PLAA: variants seen among roughly 807,000 people sequenced by gnomAD.
The protein encoded by PLAA is phospholipase A2 activating protein.
In PLAA, 48 loss-of-function variants were observed where a neutral mutation model predicts 84.1. That is an observed-to-expected ratio of 0.57 (90% CI 0.45 to 0.73). The LOEUF (loss-of-function observed/expected upper bound fraction) is 0.73. Ranked by LOEUF, PLAA falls within the 30% of genes least tolerant of loss-of-function variation. The pLI, the probability that PLAA is intolerant of heterozygous loss-of-function variation, is 0.00. For missense variants in PLAA, 903 were observed against 954.7 expected, an observed-to-expected ratio of 0.95 and a Z score of 0.71; for synonymous variants, 392 against 336.6, an observed-to-expected ratio of 1.16 and a Z score of -1.80.
chr9:26,905,837 T>C lies in PLAA; in HGVS notation c.2062A>G (p.Ile688Val). The C allele has an allele frequency of 5.6e-6, 9 of 1,614,216 alleles. No homozygotes were observed. Among genetic ancestry groups the C allele is most frequent in the Non-Finnish European group, 7.6e-6 (9 of 1,180,030 alleles). ...SQRESLMSHA[I>V]ELKSGSNKNI... ...TTATTGCTCCCTGATTTCAGTTCTA[T>C]TGCATGGGACATCAGTGATTCCCTC... Residue 688 changes from isoleucine (I) to valine (V), a missense_variant, in exon 14 of 14, where the codon ATA (isoleucine) becomes GTA (valine). Coordinates refer to ENST00000397292, the MANE Select transcript of PLAA (RefSeq NM_001031689.3).
At chr9:26,938,471 G>C (rs527380490) in intron 1 of PLAA, among the ~76,000 whole-genome samples, 1 of 151,456 alleles carries the variant, frequency 6.6e-6, no homozygotes, top group East Asian at 1.9e-4. Flanking sequence ...AGGATCCCTT[G>C]AGCCTGGGAG....
At chr9:26,925,358 C>G (rs890592520) in intron 6 of PLAA, among the ~76,000 whole-genome samples, 6 of 152,230 alleles carry the variant, frequency 3.9e-5, no homozygotes, top group African/African-American at 1.4e-4. Flanking sequence ...CCCATTGTAC[C>G]TATTATCTCA....
intron 7 of PLAA, 56 bp downstream of exon 7, chr9:26,923,122 T>C: frequency 7.9e-7 from 1 of 1,269,304 alleles, no homozygotes; most frequent in Non-Finnish European, 1.1e-6. Context: ...TTCTTCTAAT[T>C]GTTCCAAAAG....
In PLAA at chr9:26,904,081, G is replaced by C. The variant is rs1027836485; in HGVS notation, c.*1430C>G. 6.5e-6 allele frequency: 1 copy of C among 153,302 alleles called. No homozygotes were observed. The highest frequency in any genetic ancestry group is 2.4e-5 in the African/African-American group (1 of 41,422). 9.5% of individuals were successfully genotyped at this position (153,302 alleles called of 1,614,324 possible). On this transcript the variant is annotated 3_prime_UTR_variant, in exon 14 of 14. Transcript: ENST00000397292. ...AATATTTAGTCCAGGTACACACCAG[G>C]TAGTTCCAATTTAATACTCAGCAAA...
At chr9:26,921,839 T>C (rs1042379907) in intron 7 of PLAA, among the ~76,000 whole-genome samples, 1 of 152,246 alleles carries the variant, frequency 6.6e-6, no homozygotes, top group Non-Finnish European at 1.5e-5. Context: ...TTGTTAATGT[T>C]ATTACCACTA....
chr9:26,908,705 C>T (rs1254035241), intron 12 of PLAA, among the ~76,000 whole-genome samples: 2 of 151,672 alleles, frequency 1.3e-5, no homozygotes, highest in African/African-American at 4.8e-5. Context: ...AACTCCTGAC[C>T]TCAAGTGACC....
chr9:26,923,146 A>AT (rs1824824829), intron 7 of PLAA, 32 bp downstream of exon 7: 1 of 1,475,184 alleles, frequency 6.8e-7, no homozygotes, highest in African/African-American at 1.4e-5. Context: ...AATATGGTGA[A>AT]TTTTTTCTAC....
chr9:26,905,344 A>C lies in PLAA; in HGVS notation c.*167T>G, dbSNP rs1587143654. ...ATTACACAGGAAAATCTCACAGTTCAGCAGTGCAAAAATTTTATTTCTGTT... is the reference window on the plus strand; with the variant it reads ...ATTACACAGGAAAATCTCACAGTTCCGCAGTGCAAAAATTTTATTTCTGTT... On this transcript the variant is annotated 3_prime_UTR_variant, in exon 14 of 14. Transcript: ENST00000397292. 1.2e-5 allele frequency: 7 copies of C among 600,498 alleles called. No homozygotes were observed. The East Asian group carries it at 2.0e-4, about 17-fold the overall frequency. The allele number at this position is 600,498 out of a possible 1,614,324, so 37.2% of individuals were successfully genotyped here. A position where few individuals can be genotyped will look rare whatever the true frequency, so the allele number is the denominator to read the frequency against.
chr9:26,938,060 C>T (rs923639340), intron 1 of PLAA, among the ~76,000 whole-genome samples: 15 of 151,982 alleles, frequency 9.9e-5, no homozygotes, highest in Non-Finnish European at 1.6e-4. Flanking sequence ...CAACAAACTC[C>T]AAGAAGATAA....
chr9:26,939,126 C>T (rs1236604789), intron 1 of PLAA, among the ~76,000 whole-genome samples: 1 of 152,166 alleles, frequency 6.6e-6, no homozygotes, highest in African/African-American at 2.4e-5. Flanking sequence ...CCGTGGCTCA[C>T]GCCTGTAATC....
intron 4 of PLAA, among the ~76,000 whole-genome samples, chr9:26,927,726 T>C (rs1164254089): frequency 6.6e-6 from 1 of 152,172 alleles, no homozygotes; most frequent in African/African-American, 2.4e-5. Context: ...CTTCCATATA[T>C]GAAGATAACA....
Position 26,947,003 on chromosome 9 carries a change from G to C in PLAA, c.43C>G (p.Arg15Gly), listed in dbSNP as rs1204957198. 3 of 1,594,002 alleles carry C rather than the reference G, an allele frequency of 1.9e-6. No homozygotes were observed. The African/African-American group carries it at 4.0e-5, about 21-fold the overall frequency. The change falls in exon 1 of 14, where the codon CGG becomes GGG. Residue 15 changes from arginine (R) to glycine (G), a missense_variant. Physicochemically the swap from Arg to Gly is moderately radical, Grantham distance 125. Coordinates refer to ENST00000397292, the MANE Select transcript of PLAA (RefSeq NM_001031689.3). ...CCCCGTACGTCCAGCTCGTGGCCCC[G>C]GAGCGAGCAGCTCAGCCGGTACCTG... ...ATRYRLSCSL[R>G]GHELDVRGLV...
chr9:26,913,612 C>T (rs1824459779), intron 11 of PLAA, among the ~76,000 whole-genome samples: 1 of 152,082 alleles, frequency 6.6e-6, no homozygotes, highest in Admixed American at 6.6e-5. Flanking sequence ...TACCCTTTGC[C>T]AAGCCCCCAT....
At chr9:26,936,371 AGG>A (rs953701878) in intron 1 of PLAA, among the ~76,000 whole-genome samples, 8 of 152,210 alleles carry the variant, frequency 5.3e-5, no homozygotes, top group Admixed American at 2.6e-4. Flanking sequence ...TTACCAACAA[AGG>A]GCTTAAGAAC....
intron 4 of PLAA, among the ~76,000 whole-genome samples, chr9:26,927,110 A>G (rs771210718): frequency 5.1e-4 from 70 of 137,574 alleles, no homozygotes; most frequent in Admixed American, 5.1e-4. Context: ...CCATCAAAAG[A>G]TACTTTTTTT....
Position 26,906,060 on chromosome 9 carries a change from T to G in PLAA, c.1839A>C (p.Ala613=), listed in dbSNP as rs763105149. The change falls in exon 14 of 14, where the codon GCA becomes GCC. Residue 613 remains alanine, a synonymous_variant. Coordinates refer to ENST00000397292, the MANE Select transcript of PLAA (RefSeq NM_001031689.3). ...INCPEDIVFP[A]LDILRLSIKH... is the part of the protein sequence containing the mutation. ...TAATTGACAACCGAAGAATGTCAAG[T>G]GCAGGAAAGACAATATCTATTAAAA... is the stretch of plus-strand genomic sequence containing the variant. 4.9e-5 allele frequency: 76 copies of G among 1,550,124 alleles called. No homozygotes were observed. Among genetic ancestry groups the G allele is most frequent in the Non-Finnish European group, 6.4e-5 (73 of 1,147,482 alleles).
Position 26,922,178 on chromosome 9 carries a change from G to A in PLAA, c.1039+1000C>T, listed in dbSNP as rs73433904. Reference sequence around the variant, plus strand: ...ATGTCTACTTTAGGTTTTCTCACCCGGAATATTTAAAAAGATGTGTCAAAA... The same window carrying A: ...ATGTCTACTTTAGGTTTTCTCACCCAGAATATTTAAAAAGATGTGTCAAAA... On this transcript the variant is annotated intron_variant, in intron 7 of 13. Transcript: ENST00000397292. Among the ~76,000 whole-genome samples, 689 of 151,840 alleles carry A rather than the reference G, an allele frequency of 4.5e-3. 5 individuals are homozygous for A. Among genetic ancestry groups the A allele is most frequent in the African/African-American group, 0.016 (643 of 41,422 alleles).
intron 6 of PLAA, among the ~76,000 whole-genome samples, chr9:26,923,558 G>A (rs1030245370): frequency 1.3e-5 from 2 of 152,236 alleles, no homozygotes; most frequent in African/African-American, 4.8e-5. Flanking sequence ...ACAAAGAACA[G>A]AGAAACATGT....
At chr9:26,941,771 AG>A (rs1464457142) in intron 1 of PLAA, among the ~76,000 whole-genome samples, 2 of 150,864 alleles carry the variant, frequency 1.3e-5, no homozygotes, top group Non-Finnish European at 3.0e-5. Flanking sequence ...AAAAAAAAAA[AG>A]AGAGAAATTT....
Sources: gnomAD v4.1 joint callset for allele counts (sites outside exome capture counted in the v4.1 genomes callset) on GRCh38, gnomAD v4.1.1 for gene constraint, MANE v1.5 for transcripts, NCBI Gene and HGNC (gene_info 2026-07-23, HGNC 2026-07-21) for gene names.